The following RPS6KA5 variants were observed in gnomAD, a reference collection of about 807,000 sequenced individuals.
RPS6KA5 encodes the protein ribosomal protein S6 kinase alpha-5.
In RPS6KA5, 27 loss-of-function variants were observed where a neutral mutation model predicts 85.5. The observed-to-expected ratio is 0.32, with a 90% CI of 0.23 to 0.44. The LOEUF (loss-of-function observed/expected upper bound fraction) is 0.44, where lower values mean the gene tolerates loss of function less well. RPS6KA5 is among the 20% of genes least tolerant of loss of function. The probability of loss-of-function intolerance (pLI) is 1.00; values close to 1 mark genes in which losing one functional copy is unlikely to be tolerated. For missense variants in RPS6KA5, 811 were observed against 980.9 expected, an observed-to-expected ratio of 0.83 and a Z score of 2.31; for synonymous variants, 334 against 348.2, an observed-to-expected ratio of 0.96 and a Z score of 0.46.
At chr14:91,047,580 C>A (rs1319944049) in intron 1 of RPS6KA5, among the ~76,000 whole-genome samples, 1 of 152,158 alleles carries the variant, frequency 6.6e-6, no homozygotes, top group Non-Finnish European at 1.5e-5. Context: ...CCTTAGTCAC[C>A]CATATCTTGG....
chr14:90,981,395 T>C (rs931339348), intron 2 of RPS6KA5, among the ~76,000 whole-genome samples: 2 of 152,184 alleles, frequency 1.3e-5, no homozygotes, highest in Admixed American at 6.5e-5. Context: ...CCCACTGATA[T>C]GTTGTGTGGG....
chr14:90,877,529 C>G (rs1452989024), intron 14 of RPS6KA5, among the ~76,000 whole-genome samples: 1 of 152,178 alleles, frequency 6.6e-6, no homozygotes, highest in Non-Finnish European at 1.5e-5. Flanking sequence ...CAACTTAAAT[C>G]TTACAACATT....
intron 7 of RPS6KA5, among the ~76,000 whole-genome samples, chr14:90,909,772 C>A (rs916979427): frequency 6.6e-6 from 1 of 152,040 alleles, no homozygotes; most frequent in African/African-American, 2.4e-5. Flanking sequence ...AATAACCAAG[C>A]TTATATAAAA....
chr14:91,030,669 G>C (rs2139837040), intron 1 of RPS6KA5, among the ~76,000 whole-genome samples: 1 of 138,944 alleles, frequency 7.2e-6, no homozygotes, highest in East Asian at 2.1e-4. Flanking sequence ...AGGCAACCCA[G>C]GGTACTAGGA....
chr14:90,886,678 C>T (rs1035597611), intron 14 of RPS6KA5, among the ~76,000 whole-genome samples: 3 of 152,198 alleles, frequency 2.0e-5, no homozygotes, highest in Non-Finnish European at 4.4e-5. Context: ...GCATCTGGTT[C>T]GTAAGACCAC....
intron 1 of RPS6KA5, among the ~76,000 whole-genome samples, chr14:91,047,350 A>G (rs1278956428): frequency 2.6e-5 from 4 of 152,200 alleles, no homozygotes; most frequent in Non-Finnish European, 5.9e-5. Context: ...CAACTTGGTA[A>G]GAGGTCTGCT....
chr14:90,880,890 G>A (rs1243200882), intron 14 of RPS6KA5, among the ~76,000 whole-genome samples: 1 of 148,628 alleles, frequency 6.7e-6, no homozygotes, highest in Non-Finnish European at 1.5e-5. Flanking sequence ...TCGGAGTACA[G>A]TGGCGTAATC....
rs1595082206 is a variant in RPS6KA5 at position 90,866,872 on chromosome 14, A to G, written c.*5202T>C. 1.3e-5 allele frequency: 2 copies of G among 152,350 alleles called. No individual in the cohort carries two copies. Among genetic ancestry groups the G allele is most frequent in the Middle Eastern group, 6.8e-3 (2 of 294 alleles). 9.4% of individuals were successfully genotyped at this position (152,350 alleles called of 1,614,324 possible). ...TTTAAATTTCTGTTTTTATTCAGCC[A>G]AAGAATGAGAATTATTGTACATTGC... On this transcript the variant is annotated 3_prime_UTR_variant, in exon 17 of 17. Transcript: ENST00000614987.
At chr14:91,036,256 A>G (rs1170514613) in intron 1 of RPS6KA5, among the ~76,000 whole-genome samples, 1 of 152,236 alleles carries the variant, frequency 6.6e-6, no homozygotes, top group Non-Finnish European at 1.5e-5. Context: ...TGGAAAGACA[A>G]GCTAACTAAG....
chr14:90,967,418 CTAT>C (rs890121182), intron 3 of RPS6KA5, among the ~76,000 whole-genome samples: 22 of 152,030 alleles, frequency 1.4e-4, no homozygotes, highest in African/African-American at 5.3e-4. Context: ...CTAATAGCTC[CTAT>C]TATTATTTAC....
chr14:90,939,889 T>A (rs952766283), intron 5 of RPS6KA5, among the ~76,000 whole-genome samples: 6 of 152,050 alleles, frequency 3.9e-5, no homozygotes, highest in African/African-American at 1.2e-4. Flanking sequence ...TTCCAAAAAA[T>A]ATGGTATTTT....
At chr14:91,046,488 G>A (rs2042877475) in intron 1 of RPS6KA5, among the ~76,000 whole-genome samples, 1 of 152,164 alleles carries the variant, frequency 6.6e-6, no homozygotes, top group South Asian at 2.1e-4. Flanking sequence ...CTAAGACTCT[G>A]TTCATGCTGT....
chr14:90,971,576 T>C (rs1480463762), intron 3 of RPS6KA5, among the ~76,000 whole-genome samples: 1 of 152,218 alleles, frequency 6.6e-6, no homozygotes, highest in African/African-American at 2.4e-5. Context: ...ATCTGGTTAC[T>C]AAAAGCAAAA....
At position 90,849,443 on chromosome 14, in the gene RPS6KA5, G is replaced by A. The variant is rs1012489172; in HGVS notation, c.*22631C>T. The A allele has an allele frequency of 1.3e-5, 2 of 152,250 alleles. No individual in the cohort carries two copies. The highest frequency in any genetic ancestry group is 4.8e-5 in the African/African-American group (2 of 41,446). 9.4% of individuals were successfully genotyped at this position (152,250 alleles called of 1,614,324 possible). A position where few individuals can be genotyped will look rare whatever the true frequency, so the allele number is the denominator to read the frequency against. ...GGCTGCCTTGGGCTACTACACAGCTGATATGAGTGGACAGCAAAGAGCTGT... is the reference window on the plus strand; with the variant it reads ...GGCTGCCTTGGGCTACTACACAGCTAATATGAGTGGACAGCAAAGAGCTGT... On this transcript the variant is annotated 3_prime_UTR_variant, in exon 17 of 17. Transcript: ENST00000614987.
Position 91,060,560 on chromosome 14 carries a change from G to T in RPS6KA5, c.-126C>A. ...GGTGCGGCGGCTCCAGAACTCGGACGCAAAGACGAGTCTCTTTCCCGCTCT... is the reference window on the plus strand; with the variant it reads ...GGTGCGGCGGCTCCAGAACTCGGACTCAAAGACGAGTCTCTTTCCCGCTCT... On this transcript the variant is annotated 5_prime_UTR_variant, in exon 1 of 17. Transcript: ENST00000614987. 1 of 1,144,920 alleles carries T rather than the reference G, an allele frequency of 8.7e-7. No individual in the cohort carries two copies. Among genetic ancestry groups the T allele is most frequent in the Non-Finnish European group, 1.1e-6 (1 of 905,650 alleles). The allele number at this position is 1,144,920 out of a possible 1,614,324, so 70.9% of individuals were successfully genotyped here. A position where few individuals can be genotyped will look rare whatever the true frequency, so the allele number is the denominator to read the frequency against.
At chr14:90,962,305 C>T (rs1286094) in intron 3 of RPS6KA5, among the ~76,000 whole-genome samples, 105,610 of 147,724 alleles carry the variant, frequency 0.71, 37,317 homozygotes, top group East Asian at 0.97. Context: ...CTTATCTTGG[C>T]ACAGTTTTTT....
intron 5 of RPS6KA5, among the ~76,000 whole-genome samples, chr14:90,928,711 T>G (rs953907869): frequency 6.7e-6 from 1 of 148,788 alleles, no homozygotes; most frequent in African/African-American, 2.5e-5. Context: ...AATCAGTATT[T>G]GAAAAGCTAC....
chr14:90,967,078 A>C (rs1481200908), intron 3 of RPS6KA5, among the ~76,000 whole-genome samples: 1 of 152,246 alleles, frequency 6.6e-6, no homozygotes, highest in African/African-American at 2.4e-5. Context: ...TGTTCTCAGA[A>C]GCTGTCAGGC....
At chr14:90,947,051 G>C (rs893465961) in intron 4 of RPS6KA5, among the ~76,000 whole-genome samples, 1 of 152,218 alleles carries the variant, frequency 6.6e-6, no homozygotes, top group South Asian at 2.1e-4. Context: ...GATACACCCT[G>C]AAGATGTACA....
Sources: gnomAD v4.1 joint callset for allele counts (sites outside exome capture counted in the v4.1 genomes callset) on GRCh38, gnomAD v4.1.1 for gene constraint, MANE v1.5 for transcripts, NCBI Gene and HGNC (gene_info 2026-07-23, HGNC 2026-07-21) for gene names.